Variants in CD5 observed in about 807,000 individuals in gnomAD.
The protein encoded by CD5 is CD5 molecule, also known as T-cell surface glycoprotein CD5.
Under a neutral mutation model 60.3 loss-of-function variants are expected in CD5, and 36 were observed. That is an observed-to-expected ratio of 0.60 (90% CI 0.46 to 0.79). CD5 has a LOEUF of 0.79. CD5 is among the 30% of genes least tolerant of loss of function. CD5 has a pLI of 0.00. For synonymous variants in CD5, 230 were observed against 257.6 expected (o/e 0.89, Z 1.03); for missense variants, 540 against 630.6 (o/e 0.86, Z 1.54).
chr11:61,116,848 C>T lies in CD5; in HGVS notation c.95-1327C>T, dbSNP rs369964421. On this transcript the variant is annotated intron_variant, in intron 2 of 10. Transcript: ENST00000347785. ...ACAACACACACAACACACACACCAC[C>T]ACACACACATCACACACACCACACA... 2.5e-4 allele frequency among the ~76,000 whole-genome samples: 37 copies of T among 147,552 alleles called. 1 individual carries two copies. Among genetic ancestry groups the T allele is most frequent in the Middle Eastern group, 3.5e-3 (1 of 282 alleles).
chr11:61,125,665 C>A, intron 9 of CD5, 86 bp from the exon 10 acceptor site: 1 of 857,814 alleles, frequency 1.2e-6, no homozygotes, highest in Non-Finnish European at 1.8e-6. Flanking sequence ...TGTGATCTTC[C>A]AACCCACTGT....
intron 5 of CD5, among the ~76,000 whole-genome samples, chr11:61,121,223 G>C (rs543816935): frequency 2.0e-5 from 3 of 152,238 alleles, no homozygotes; most frequent in Non-Finnish European, 4.4e-5. Context: ...AAAGTGCAGC[G>C]GGATAATGAC....
Position 61,118,307 on chromosome 11 carries a change from A to G in CD5, c.227A>G (p.Gln76Arg), listed in dbSNP as rs765995942. ...TCCAAGCAGTGGGAGGACCCCAGTC[A>G]AGCGTCAAAAGTCTGCCAGCGGCTG... ...RSSKQWEDPSQASKVCQRLNC... is the reference protein window; with the variant it reads ...RSSKQWEDPSRASKVCQRLNC... Residue 76 changes from glutamine (Q) to arginine (R), a missense_variant, in exon 3 of 11, where the codon CAA (glutamine) becomes CGA (arginine). Transcript: ENST00000347785. This position sits in a 1 kb window ranked among gnomAD's most constrained non-coding sequence, Gnocchi z 4.7. 4 of 1,614,210 alleles carry G rather than the reference A, an allele frequency of 2.5e-6. No homozygotes were observed. Among genetic ancestry groups the G allele is most frequent in the Non-Finnish European group, 2.5e-6 (3 of 1,180,026 alleles).
In CD5 at chr11:61,121,689, C is replaced by A; in HGVS notation, c.884C>A (p.Ala295Asp). The change falls in exon 6 of 11, where the codon GCT becomes GAT. Residue 295 changes from alanine to aspartate, a missense_variant. By Grantham distance (126) the Ala-to-Asp change is moderately radical. Coordinates refer to ENST00000347785, the MANE Select transcript of CD5 (RefSeq NM_014207.4). ...CEGTVEVRQG[A>D]QWAALCDSSS... The stretch of plus-strand genomic sequence containing the variant: ...GGCACCGTGGAGGTGCGCCAGGGGG[C>A]TCAGTGGGCAGCCCTGTGTGACAGC... The A allele has an allele frequency of 6.3e-7, 1 of 1,596,670 alleles. No homozygotes were observed. The highest frequency in any genetic ancestry group is 8.6e-7 in the Non-Finnish European group (1 of 1,167,920).
chr11:61,107,105 T>C (rs1860787686), intron 1 of CD5, among the ~76,000 whole-genome samples: 1 of 152,000 alleles, frequency 6.6e-6, no homozygotes, highest in East Asian at 1.9e-4. Context: ...GACAGACAGA[T>C]AGAGGAGGGC....
intron 1 of CD5, among the ~76,000 whole-genome samples, chr11:61,108,631 A>C (rs1031338636): frequency 6.6e-6 from 1 of 152,208 alleles, no homozygotes; most frequent in Admixed American, 6.5e-5. Flanking sequence ...GGATTCGAGG[A>C]AGGAAAATCC....
chr11:61,119,671 G>A, intron 5 of CD5, 96 bp downstream of exon 5: 1 of 834,474 alleles, frequency 1.2e-6, no homozygotes, highest in Non-Finnish European at 1.9e-6. Context: ...GTGCAGCACA[G>A]GGCACTATGG....
At position 61,108,690 on chromosome 11, in the gene CD5, G is replaced by A. The variant is rs140912049; in HGVS notation, c.55+6075G>A. Reference sequence around the variant, plus strand: ...AGATCTATTGTATTTCATGGACATCGATGGCTGTAGCTATGGGGAGGTCTG... The same window carrying A: ...AGATCTATTGTATTTCATGGACATCAATGGCTGTAGCTATGGGGAGGTCTG... On this transcript the variant is annotated intron_variant, in intron 1 of 10. Coordinates refer to ENST00000347785, the MANE Select transcript of CD5 (RefSeq NM_014207.4). 5.6e-3 allele frequency among the ~76,000 whole-genome samples: 859 copies of A among 152,268 alleles called. 15 individuals are homozygous for A. The highest frequency in any genetic ancestry group is 0.019 in the African/African-American group (800 of 41,558).
Position 61,102,566 on chromosome 11 carries a change from C to A in CD5, c.6C>A (p.Pro2=). 1 of 1,586,724 alleles carries A rather than the reference C, an allele frequency of 6.3e-7. No homozygotes were observed. The highest frequency in any genetic ancestry group is 8.6e-7 in the Non-Finnish European group (1 of 1,165,760). Residue 2 remains proline (P), a synonymous_variant, in exon 1 of 11, where the codon CCC becomes CCA. Transcript: ENST00000347785. ...GCAAGAGAAGGCCAGAAACCATGCC[C>A]ATGGGGTCTCTGCAACCGCTGGCCA... M[P]MGSLQPLATL... is the part of the protein sequence containing the mutation.
In CD5 at chr11:61,118,168, C is replaced by T. The variant is rs911426654; in HGVS notation, c.95-7C>T. The T allele has an allele frequency of 1.2e-6, 2 of 1,611,214 alleles. No individual in the cohort carries two copies. The highest frequency in any genetic ancestry group is 1.3e-5 in the African/African-American group (1 of 74,896). On this transcript the variant is annotated splice_polypyrimidine_tract_variant and splice_region_variant and intron_variant, in intron 2 of 10. Coordinates refer to ENST00000347785, the MANE Select transcript of CD5 (RefSeq NM_014207.4). The surrounding 1 kb of genome is among the most constrained non-coding windows in gnomAD (Gnocchi z 4.7). ...CCTGACCCCCACCACACCTTTCTGA[C>T]CCCCAGATTTCCAGGCAAGGCTCAC...
At chr11:61,109,640 T>A (rs1860823935) in intron 1 of CD5, among the ~76,000 whole-genome samples, 1 of 151,776 alleles carries the variant, frequency 6.6e-6, no homozygotes, top group African/African-American at 2.4e-5. Flanking sequence ...GCAAGAGGAA[T>A]GAGAGGGACA....
chr11:61,119,142 A>T (rs1387187930), intron 4 of CD5, 92 bp from the exon 5 acceptor site: 2 of 1,280,478 alleles, frequency 1.6e-6, no homozygotes, highest in Non-Finnish European at 2.2e-6. Context: ...GTTAGTCAGT[A>T]GTTGTCCACA....
chr11:61,123,688 C>T (rs559284634), intron 7 of CD5, among the ~76,000 whole-genome samples, 196 bp from the exon 8 acceptor site: 2 of 152,202 alleles, frequency 1.3e-5, no homozygotes, highest in South Asian at 2.1e-4. Flanking sequence ...CACAGGATGG[C>T]TGCAATTCCC....
At chr11:61,093,993 C>A in the CD5 span, among the ~76,000 whole-genome samples, 1 of 152,090 alleles carries the variant, frequency 6.6e-6, no homozygotes, top group African/African-American at 2.4e-5. Flanking sequence ...GCTGAATAAA[C>A]CCCTTCCTTC....
intron 5 of CD5, among the ~76,000 whole-genome samples, chr11:61,120,260 A>C (rs1379977350): frequency 1.3e-5 from 2 of 152,172 alleles, no homozygotes; most frequent in Non-Finnish European, 1.5e-5. Flanking sequence ...AGAAACGGAG[A>C]AACTTCGCAG....
At position 61,119,251 on chromosome 11, in the gene CD5, C is replaced by CT; in HGVS notation, c.482dup (p.Val162GlyfsTer27). 2 of 1,603,624 alleles carry CT rather than the reference C, an allele frequency of 1.2e-6. No homozygotes were observed. Among genetic ancestry groups the CT allele is most frequent in the Non-Finnish European group, 1.7e-6 (2 of 1,174,026 alleles). ...TCTCCTAGCTCCTCCCAGGCTGCAG[C>CT]TGGTGGCACAGTCTGGCGGCCAGCA... On this transcript the variant is annotated frameshift_variant, in exon 5 of 11. Coordinates refer to ENST00000347785, the MANE Select transcript of CD5 (RefSeq NM_014207.4). LOFTEE classifies it high-confidence loss of function.
chr11:61,100,622 TCACA>T (rs1172505774), upstream of CD5, among the ~76,000 whole-genome samples: 1 of 53,104 alleles, frequency 1.9e-5, no homozygotes, highest in Admixed American at 2.4e-4. Context: ...AACATGGAGA[TCACA>T]CACACACATC....
chr11:61,118,542 C>A lies in CD5; in HGVS notation c.400+62C>A. 6.5e-7 allele frequency: 1 copy of A among 1,527,632 alleles called. No individual in the cohort carries two copies. The highest frequency in any genetic ancestry group is 8.9e-7 in the Non-Finnish European group (1 of 1,119,144). The allele number at this position is 1,527,632 out of a possible 1,614,324, so 94.6% of individuals were successfully genotyped here. A position where few individuals can be genotyped will look rare whatever the true frequency, so the allele number is the denominator to read the frequency against. On this transcript the variant is annotated intron_variant, in intron 3 of 10. Transcript: ENST00000347785. This position sits in a 1 kb window ranked among gnomAD's most constrained non-coding sequence, Gnocchi z 4.7. Reference sequence around the variant, plus strand: ...TGGGCGCCAGCCCCGAGGAGACTGCCCGAGGCCTGTGATCTAGGGTCTGAG... The same window carrying A: ...TGGGCGCCAGCCCCGAGGAGACTGCACGAGGCCTGTGATCTAGGGTCTGAG...
At chr11:61,107,840 G>A (rs566320438) in intron 1 of CD5, among the ~76,000 whole-genome samples, 5 of 152,336 alleles carry the variant, frequency 3.3e-5, no homozygotes, top group Admixed American at 3.3e-4. Flanking sequence ...GTGGCAGTCT[G>A]CAGAGACGAC....
Sources: allele counts gnomAD v4.1 joint callset (sites outside exome capture counted in the v4.1 genomes callset), GRCh38; gene constraint gnomAD v4.1.1; non-coding constraint Gnocchi (gnomAD v3.1); transcripts MANE v1.5; gene names NCBI Gene and HGNC (gene_info 2026-07-23, HGNC 2026-07-21).